The following SPRED1 variants were observed in gnomAD, a reference collection of about 807,000 sequenced individuals.
The protein encoded by SPRED1 is sprouty-related, EVH1 domain-containing protein 1.
In SPRED1, 18 loss-of-function variants were observed where a neutral mutation model predicts 52.3. The observed-to-expected ratio is 0.34, with a 90% CI of 0.24 to 0.51. The LOEUF (loss-of-function observed/expected upper bound fraction) is 0.51. SPRED1 is among the 20% of genes least tolerant of loss of function. The pLI is 0.97. For synonymous variants in SPRED1, 155 were observed against 179.7 expected, an observed-to-expected ratio of 0.86 and a Z score of 1.10; for missense variants, 485 against 551.0, an observed-to-expected ratio of 0.88 and a Z score of 1.20.
chr15:38,307,201 T>C (rs978566781), intron 2 of SPRED1, among the ~76,000 whole-genome samples: 3 of 152,354 alleles, frequency 2.0e-5, no homozygotes, highest in Non-Finnish European at 4.4e-5. Flanking sequence ...ATGCTTTTAA[T>C]TGAGTGGTTG....
chr15:38,329,866 G>A (rs1895775538), intron 4 of SPRED1, among the ~76,000 whole-genome samples: 1 of 151,882 alleles, frequency 6.6e-6, no homozygotes, highest in Admixed American at 6.6e-5. Context: ...AAAATCTCTT[G>A]GCCATTTTCA....
chr15:38,309,180 C>T (rs1163090357), intron 2 of SPRED1, among the ~76,000 whole-genome samples: 5 of 152,018 alleles, frequency 3.3e-5, no homozygotes, highest in South Asian at 2.1e-4. Context: ...TTGTAGATAG[C>T]GTCTTCTTCT....
chr15:38,330,438 A>G (rs1895784696), intron 4 of SPRED1, among the ~76,000 whole-genome samples: 1 of 152,190 alleles, frequency 6.6e-6, no homozygotes, highest in African/African-American at 2.4e-5. Context: ...AAGAAAGCTA[A>G]TGAACAGAAT....
chr15:38,267,503 G>A (rs1471016539), intron 1 of SPRED1, among the ~76,000 whole-genome samples: 4 of 152,028 alleles, frequency 2.6e-5, no homozygotes, highest in East Asian at 1.9e-4. Flanking sequence ...TTTTTCTATC[G>A]TGGATTATTT....
At chr15:38,253,566 C>T (rs1894028906) in intron 1 of SPRED1, among the ~76,000 whole-genome samples, 2 of 152,112 alleles carry the variant, frequency 1.3e-5, no homozygotes, top group Non-Finnish European at 2.9e-5. Flanking sequence ...AGTCACCATA[C>T]CTTCAGTATC....
intron 2 of SPRED1, among the ~76,000 whole-genome samples, chr15:38,319,848 T>C (rs1286006681): frequency 6.6e-6 from 1 of 152,226 alleles, no homozygotes; most frequent in Non-Finnish European, 1.5e-5. Context: ...AGTGGTATGC[T>C]GATAAAAGGT....
At chr15:38,255,916 C>T (rs751868534) in intron 1 of SPRED1, among the ~76,000 whole-genome samples, 2 of 152,164 alleles carry the variant, frequency 1.3e-5, no homozygotes, top group Non-Finnish European at 2.9e-5. Context: ...TCACCAGTTT[C>T]CTGGGAAACC....
At position 38,253,102 on chromosome 15, in the gene SPRED1, C is replaced by A; in HGVS notation, c.-84C>A. ...TGCCCCCGCGCCCCCCCGGCCGCCG[C>A]TGCCTCCTGCCCCTCGGTGCTGCTG... On this transcript the variant is annotated 5_prime_UTR_variant, in exon 1 of 7. The change creates a new upstream start codon in the 5' untranslated region. Coordinates refer to ENST00000299084, the MANE Select transcript of SPRED1 (RefSeq NM_152594.3). The A allele has an allele frequency of 7.7e-7, 1 of 1,306,244 alleles. No homozygotes were observed. Among genetic ancestry groups the A allele is most frequent in the Non-Finnish European group, 1.1e-6 (1 of 926,478 alleles). The allele number at this position is 1,306,244 out of a possible 1,614,324, so 80.9% of individuals were successfully genotyped here.
At chr15:38,278,363 G>A (rs566034462) in intron 1 of SPRED1, among the ~76,000 whole-genome samples, 2 of 152,302 alleles carry the variant, frequency 1.3e-5, no homozygotes, top group Admixed American at 6.5e-5. Flanking sequence ...CGAGCCTATA[G>A]TCTCAGCTAC....
intron 1 of SPRED1, among the ~76,000 whole-genome samples, chr15:38,282,345 G>GCA (rs1566854071): frequency 5.9e-5 from 1 of 16,874 alleles, no homozygotes; most frequent in East Asian, 6.0e-4. Context: ...ACACACACAT[G>GCA]CACACACACA....
intron 1 of SPRED1, among the ~76,000 whole-genome samples, chr15:38,258,029 C>T (rs1894135039): frequency 6.6e-6 from 1 of 152,064 alleles, no homozygotes; most frequent in South Asian, 2.1e-4. Flanking sequence ...ATTAAAAATG[C>T]CAATTTAAAA....
intron 2 of SPRED1, among the ~76,000 whole-genome samples, chr15:38,303,533 G>T (rs1283751874): frequency 6.6e-6 from 1 of 152,028 alleles, no homozygotes; most frequent in Non-Finnish European, 1.5e-5. Flanking sequence ...TTAAAATACC[G>T]AATTATAATA....
chr15:38,302,491 C>A (rs1490495357), intron 2 of SPRED1, among the ~76,000 whole-genome samples: 1 of 152,016 alleles, frequency 6.6e-6, no homozygotes, highest in Non-Finnish European at 1.5e-5. Context: ...TTTTGTGTAA[C>A]TGAGTCAGTG....
chr15:38,353,226 A>T lies in SPRED1; in HGVS notation c.*1562A>T. The T allele has an allele frequency of 6.6e-6, 1 of 152,318 alleles. No homozygotes were observed. The highest frequency in any genetic ancestry group is 1.9e-4 in the East Asian group (1 of 5,180). 9.4% of individuals were successfully genotyped at this position (152,318 alleles called of 1,614,324 possible). Reference sequence around the variant, plus strand: ...GCTCATTTTCTATGCAGGTTTTTAAACGTCATTTATGTATCATTCTTTTTA... The same window carrying T: ...GCTCATTTTCTATGCAGGTTTTTAATCGTCATTTATGTATCATTCTTTTTA... On this transcript the variant is annotated 3_prime_UTR_variant, in exon 7 of 7. Coordinates refer to ENST00000299084, the MANE Select transcript of SPRED1 (RefSeq NM_152594.3).
intron 2 of SPRED1, among the ~76,000 whole-genome samples, chr15:38,310,165 A>G (rs11637966): frequency 0.12 from 3,537 of 30,042 alleles, 58 homozygotes; most frequent in Middle Eastern, 0.31. Flanking sequence ...TTGGAGACGA[A>G]GTTTCGCTCT....
intron 3 of SPRED1, among the ~76,000 whole-genome samples, chr15:38,323,303 T>C (rs1343823076): frequency 1.3e-5 from 2 of 152,152 alleles, no homozygotes; most frequent in Non-Finnish European, 2.9e-5. Flanking sequence ...TTTAAAAGAT[T>C]AGAATTTGGT....
intron 2 of SPRED1, among the ~76,000 whole-genome samples, chr15:38,310,755 A>G (rs1010995602): frequency 1.1e-4 from 16 of 152,080 alleles, no homozygotes; most frequent in African/African-American, 3.6e-4. Flanking sequence ...TTGTGTTTTT[A>G]ATTTTGGTTA....
chr15:38,338,256 A>G (rs1415717081), intron 4 of SPRED1, among the ~76,000 whole-genome samples: 3 of 149,118 alleles, frequency 2.0e-5, no homozygotes, highest in Non-Finnish European at 3.0e-5. Flanking sequence ...GAGAAGTTAG[A>G]CAAGATTCTA....
chr15:38,283,078 G>A (rs1251474972), intron 1 of SPRED1, among the ~76,000 whole-genome samples: 1 of 152,124 alleles, frequency 6.6e-6, no homozygotes, highest in Non-Finnish European at 1.5e-5. Context: ...ATAAAAGAAA[G>A]GGATTTAGTG....
Sources: gnomAD v4.1 joint callset for allele counts (sites outside exome capture counted in the v4.1 genomes callset) on GRCh38, gnomAD v4.1.1 for gene constraint, MANE v1.5 for transcripts, NCBI Gene and HGNC (gene_info 2026-07-23, HGNC 2026-07-21) for gene names.